The following DIPK1C variants were observed in gnomAD, a reference collection of about 807,000 sequenced individuals.
DIPK1C encodes divergent protein kinase domain 1C.
A neutral mutation model predicts 28.0 loss-of-function variants in DIPK1C; 33 were observed. The ratio of observed to expected loss-of-function variants is 1.18; its 90% CI spans 0.89 to 1.58. The LOEUF (loss-of-function observed/expected upper bound fraction) is 1.58, where lower values mean the gene tolerates loss of function less well. DIPK1C is among the 40% of genes most tolerant of loss of function. DIPK1C has a pLI of 0.00. For missense variants in DIPK1C, 569 were observed against 568.5 expected (o/e 1.00, Z -0.01); for synonymous variants, 255 against 248.8 (o/e 1.02, Z -0.23).
chr18:74,435,331 G>C lies in DIPK1C; in HGVS notation c.*1170C>G, dbSNP rs924825970. Reference sequence around the variant, plus strand: ...GGGTCACAGTTATGGGTAGAAACCAGGTCCCTTTAAGTGAAAGCTCACTGG... The same window carrying C: ...GGGTCACAGTTATGGGTAGAAACCACGTCCCTTTAAGTGAAAGCTCACTGG... On this transcript the variant is annotated 3_prime_UTR_variant, in exon 4 of 4. Transcript: ENST00000343998. 2 of 152,218 alleles carry C rather than the reference G, an allele frequency of 1.3e-5. No homozygotes were observed. Among genetic ancestry groups the C allele is most frequent in the African/African-American group, 4.8e-5 (2 of 41,438 alleles). The allele number at this position is 152,218 out of a possible 1,614,324, so 9.4% of individuals were successfully genotyped here.
upstream of DIPK1C, among the ~76,000 whole-genome samples, chr18:74,462,877 C>G (rs1027020382): frequency 2.6e-5 from 4 of 152,186 alleles, no homozygotes; most frequent in African/African-American, 9.7e-5. Flanking sequence ...TTTTTGATAG[C>G]TAGAAGTCAC....
chr18:74,454,110 A>G (rs2144530549), intron 1 of DIPK1C, among the ~76,000 whole-genome samples: 1 of 152,240 alleles, frequency 6.6e-6, no homozygotes, highest in Admixed American at 6.5e-5. Flanking sequence ...GCCTCCAGAG[A>G]TCTGAGTGCA....
upstream of DIPK1C, among the ~76,000 whole-genome samples, chr18:74,459,226 C>G (rs1295161998): frequency 6.6e-6 from 1 of 152,188 alleles, no homozygotes; most frequent in Non-Finnish European, 1.5e-5. Context: ...GACTACTTAT[C>G]TTTTAAAACA....
At chr18:74,463,898 G>A in the DIPK1C span, among the ~76,000 whole-genome samples, 2 of 152,184 alleles carry the variant, frequency 1.3e-5, no homozygotes, top group Non-Finnish European at 2.9e-5. Flanking sequence ...GACGGAAGAA[G>A]AAGGCTCTTT....
chr18:74,447,769 C>A lies in DIPK1C; in HGVS notation c.199-486G>T, dbSNP rs866355217. Among the ~76,000 whole-genome samples the A allele has an allele frequency of 6.6e-6, 1 of 152,212 alleles. No individual in the cohort carries two copies. Among genetic ancestry groups the A allele is most frequent in the Non-Finnish European group, 1.5e-5 (1 of 68,048 alleles). ...CCCAGGCTTGACCGCAGTAATGACC[C>A]TTCCTGCAAGTACATTCCTTGAGCT... On this transcript the variant is annotated intron_variant, in intron 1 of 3. Coordinates refer to ENST00000343998, the MANE Select transcript of DIPK1C (RefSeq NM_001044369.3). This position sits in a 1 kb window ranked among gnomAD's most constrained non-coding sequence, Gnocchi z 4.1.
chr18:74,438,511 C>T (rs141854135), intron 3 of DIPK1C, among the ~76,000 whole-genome samples: 7 of 152,192 alleles, frequency 4.6e-5, no homozygotes, highest in Non-Finnish European at 7.3e-5. Flanking sequence ...CAAGACTGCT[C>T]GTCCTCCCTT....
chr18:74,451,692 G>A (rs980493650), intron 1 of DIPK1C, among the ~76,000 whole-genome samples: 6 of 152,168 alleles, frequency 3.9e-5, no homozygotes, highest in East Asian at 1.9e-4. Flanking sequence ...CCTCCCTGAC[G>A]CCTGCTTCTT....
At position 74,447,080 on chromosome 18, in the gene DIPK1C, C is replaced by A; in HGVS notation, c.402G>T (p.Glu134Asp). The change falls in exon 2 of 4, where the codon GAG (glutamate) becomes GAT (aspartate). Residue 134 changes from glutamate (E) to aspartate (D), a missense_variant. Glu to Asp is a conservative substitution (Grantham distance 45). Transcript: ENST00000343998. The surrounding 1 kb of genome is among the most constrained non-coding windows in gnomAD (Gnocchi z 4.1). ...SFPPLSLLEEEAGEGGQDMPE... is the reference protein window; with the variant it reads ...SFPPLSLLEEDAGEGGQDMPE... ...GCATGTCCTGGCCACCCTCCCCTGCCTCCTCTTCCAACAGGCTGAGGGGCG... is the reference window on the plus strand; with the variant it reads ...GCATGTCCTGGCCACCCTCCCCTGCATCCTCTTCCAACAGGCTGAGGGGCG... 5.2e-6 allele frequency: 8 copies of A among 1,550,480 alleles called. No homozygotes were observed. The highest frequency in any genetic ancestry group is 7.0e-6 in the Non-Finnish European group (8 of 1,146,944).
At chr18:74,440,725 C>T (rs1986103450) in intron 3 of DIPK1C, among the ~76,000 whole-genome samples, 1 of 152,250 alleles carries the variant, frequency 6.6e-6, no homozygotes, top group Admixed American at 6.5e-5. Context: ...CCTCTCGTTA[C>T]ATTGCAAAGA....
chr18:74,462,091 A>G (rs1001360374), upstream of DIPK1C, among the ~76,000 whole-genome samples: 1 of 152,206 alleles, frequency 6.6e-6, no homozygotes, highest in Non-Finnish European at 1.5e-5. Flanking sequence ...AGATTTATTG[A>G]GGTATAATTT....
upstream of DIPK1C, chr18:74,457,947 C>G (rs1986557186): frequency 1.3e-5 from 2 of 152,718 alleles, no homozygotes; most frequent in South Asian, 4.1e-4. Flanking sequence ...GGGCGTCCTT[C>G]TCAGGGCTGC....
chr18:74,447,287 G>A lies in DIPK1C; in HGVS notation c.199-4C>T. ...TGCCGCCCTGGTAGTCCTGGCACTG[G>A]AAGGAAGGGAACAGTCGGTCACCAT... On this transcript the variant is annotated splice_region_variant and splice_polypyrimidine_tract_variant and intron_variant, in intron 1 of 3. Coordinates refer to ENST00000343998, the MANE Select transcript of DIPK1C (RefSeq NM_001044369.3). The surrounding 1 kb of genome is among the most constrained non-coding windows in gnomAD (Gnocchi z 4.1). 6.6e-7 allele frequency: 1 copy of A among 1,523,390 alleles called. No homozygotes were observed. Among genetic ancestry groups the A allele is most frequent in the Non-Finnish European group, 8.8e-7 (1 of 1,132,828 alleles). 94.4% of individuals were successfully genotyped at this position (1,523,390 alleles called of 1,614,324 possible). A position where few individuals can be genotyped will look rare whatever the true frequency, so the allele number is the denominator to read the frequency against.
At chr18:74,457,904 C>T (rs371812123), upstream of DIPK1C, 2 of 152,536 alleles carry the variant, frequency 1.3e-5, no homozygotes, top group Non-Finnish European at 2.9e-5. Context: ...CTGAATCAAA[C>T]CCCCCGCCGT....
At chr18:74,440,022 G>T (rs1475269774) in intron 3 of DIPK1C, among the ~76,000 whole-genome samples, 1 of 148,874 alleles carries the variant, frequency 6.7e-6, no homozygotes, top group Admixed American at 6.8e-5. Flanking sequence ...TCGGCTCACT[G>T]CAAGCTCCGC....
upstream of DIPK1C, among the ~76,000 whole-genome samples, chr18:74,458,218 C>T (rs368560737): frequency 6.6e-6 from 1 of 152,142 alleles, no homozygotes; most frequent in Admixed American, 6.5e-5. Flanking sequence ...CGGCGCCACC[C>T]CAGGGGAACT....
intron 2 of DIPK1C, among the ~76,000 whole-genome samples, chr18:74,446,159 C>T (rs915910451): frequency 5.3e-5 from 8 of 152,224 alleles, no homozygotes; most frequent in Non-Finnish European, 1.2e-4. Context: ...GGAAAAGTTA[C>T]ATGTTGTCAC....
At chr18:74,456,323 G>A (rs939126484) in intron 1 of DIPK1C, among the ~76,000 whole-genome samples, 1 of 152,258 alleles carries the variant, frequency 6.6e-6, no homozygotes, top group Non-Finnish European at 1.5e-5. Context: ...AATGCGAAAT[G>A]TTTCTTTCTC....
chr18:74,439,606 A>G (rs1464477906), intron 3 of DIPK1C, among the ~76,000 whole-genome samples: 1 of 152,218 alleles, frequency 6.6e-6, no homozygotes. Flanking sequence ...ACTTGAGACC[A>G]GAAGTTTGAG....
chr18:74,446,057 C>T (rs966229345), intron 2 of DIPK1C, among the ~76,000 whole-genome samples: 3 of 152,214 alleles, frequency 2.0e-5, no homozygotes, highest in African/African-American at 7.2e-5. Flanking sequence ...AGGGCTTTCC[C>T]TTGTGGAAGG....
Sources: allele counts gnomAD v4.1 joint callset (sites outside exome capture counted in the v4.1 genomes callset), GRCh38; gene constraint gnomAD v4.1.1; non-coding constraint Gnocchi (gnomAD v3.1); transcripts MANE v1.5; gene names NCBI Gene and HGNC (gene_info 2026-07-23, HGNC 2026-07-21).